The following ZNRF2 variants were observed in gnomAD, a reference collection of about 807,000 sequenced individuals.
ZNRF2 encodes the protein zinc and ring finger 2.
A neutral mutation model predicts 20.4 loss-of-function variants in ZNRF2; 16 were observed. The observed-to-expected ratio is 0.79, with a 90% CI of 0.53 to 1.19. The LOEUF is 1.19. Ranked by LOEUF, ZNRF2 falls within the 50% of genes most tolerant of loss-of-function variation. The pLI is 0.00. For missense variants in ZNRF2, 363 were observed against 332.4 expected (o/e 1.09, Z -0.72); for synonymous variants, 178 against 144.9 (o/e 1.23, Z -1.64).
intron 2 of ZNRF2, among the ~76,000 whole-genome samples, chr7:30,339,715 T>C (rs1393804927): frequency 6.6e-6 from 1 of 152,228 alleles, no homozygotes; most frequent in Non-Finnish European, 1.5e-5. Flanking sequence ...CCAGCTTTGT[T>C]GTTTTTGCTT....
At chr7:30,296,185 TTA>T (rs1288164332) in intron 1 of ZNRF2, among the ~76,000 whole-genome samples, 1 of 152,164 alleles carries the variant, frequency 6.6e-6, no homozygotes, top group African/African-American at 2.4e-5. Context: ...AAGTGGTAGG[TTA>T]TGTTTTTATT....
intron 1 of ZNRF2, among the ~76,000 whole-genome samples, chr7:30,291,412 G>A (rs1321165262): frequency 1.5e-4 from 23 of 152,192 alleles, no homozygotes; most frequent in Non-Finnish European, 1.5e-5. Flanking sequence ...CAGCAACCCT[G>A]ATCAGGATTC....
At chr7:30,287,115 T>A (rs2128053645) in intron 1 of ZNRF2, among the ~76,000 whole-genome samples, 1 of 152,250 alleles carries the variant, frequency 6.6e-6, no homozygotes, top group East Asian at 1.9e-4. Context: ...CTTAAAAATA[T>A]TCATCCCTCT....
Position 30,315,732 on chromosome 7 carries a change from G to C in ZNRF2, c.470-7910G>C, listed in dbSNP as rs1390808216. On this transcript the variant is annotated intron_variant, in intron 1 of 4. Coordinates refer to ENST00000323037, the MANE Select transcript of ZNRF2 (RefSeq NM_147128.4). ...AACTAAAGAAAAAGGTGGGGCGGGG[G>C]GGGGGGGGTTGGGTATAAAGACGCC... Among the ~76,000 whole-genome samples, 11 of 102,576 alleles carry C rather than the reference G, an allele frequency of 1.1e-4. 1 individual carries two copies. Among genetic ancestry groups the C allele is most frequent in the Admixed American group, 2.3e-4 (2 of 8,552 alleles). The allele number at this position is 102,576 out of a possible 152,430, so 67.3% of individuals were successfully genotyped here. A position where few individuals can be genotyped will look rare whatever the true frequency, so the allele number is the denominator to read the frequency against.
At chr7:30,309,522 T>C (rs1799258664) in intron 1 of ZNRF2, among the ~76,000 whole-genome samples, 1 of 152,156 alleles carries the variant, frequency 6.6e-6, no homozygotes, top group Non-Finnish European at 1.5e-5. Flanking sequence ...CTGTCAACCT[T>C]TTGCTGTGGT....
chr7:30,300,383 G>A (rs1259529799), intron 1 of ZNRF2, among the ~76,000 whole-genome samples: 2 of 151,906 alleles, frequency 1.3e-5, no homozygotes, highest in Admixed American at 6.6e-5. Flanking sequence ...TCTTGACCTC[G>A]TGATCCACCC....
At chr7:30,347,805 A>T (rs546772660) in intron 2 of ZNRF2, among the ~76,000 whole-genome samples, 1 of 152,214 alleles carries the variant, frequency 6.6e-6, no homozygotes, top group African/African-American at 2.4e-5. Flanking sequence ...AGATGAATCT[A>T]GATTTATATT....
intron 1 of ZNRF2, among the ~76,000 whole-genome samples, chr7:30,301,812 A>G (rs1799121809): frequency 1.3e-5 from 2 of 152,168 alleles, no homozygotes; most frequent in Admixed American, 1.3e-4. Context: ...GTATAATATA[A>G]GAACAGACAA....
intron 1 of ZNRF2, among the ~76,000 whole-genome samples, chr7:30,300,517 T>C (rs1359044007): frequency 6.7e-6 from 1 of 148,204 alleles, no homozygotes; most frequent in African/African-American, 2.5e-5. Flanking sequence ...TAATAAAAGA[T>C]AGACTTAATT....
At chr7:30,287,301 C>T (rs570806913) in intron 1 of ZNRF2, among the ~76,000 whole-genome samples, 36 of 152,262 alleles carry the variant, frequency 2.4e-4, no homozygotes, top group Non-Finnish European at 1.3e-4. Flanking sequence ...GAATGAAGGG[C>T]AAACTGGTTT....
chr7:30,344,213 C>T lies in ZNRF2; in HGVS notation c.566-11515C>T, dbSNP rs143043796. ...CTGGGATTACAGGCGTGAGCCACTG[C>T]GCCCGGCCCCAGCTCTTGTTTCTTT... is the stretch of plus-strand genomic sequence containing the variant. On this transcript the variant is annotated intron_variant, in intron 2 of 4. Transcript: ENST00000323037. Among the ~76,000 whole-genome samples the T allele has an allele frequency of 3.9e-4, 58 of 150,468 alleles. No homozygotes were observed. The East Asian group carries it at 0.01, about 27-fold the overall frequency.
intron 2 of ZNRF2, among the ~76,000 whole-genome samples, chr7:30,350,426 G>A (rs950515176): frequency 2.0e-5 from 3 of 151,920 alleles, no homozygotes; most frequent in Admixed American, 1.3e-4. Flanking sequence ...AACTAGAGAG[G>A]CATTGAAAAA....
At chr7:30,305,400 A>G (rs967567135) in intron 1 of ZNRF2, among the ~76,000 whole-genome samples, 1 of 152,176 alleles carries the variant, frequency 6.6e-6, no homozygotes, top group Non-Finnish European at 1.5e-5. Context: ...CATGTTTTAA[A>G]AGATATCTTA....
At chr7:30,361,661 G>C (rs1800129140) in intron 3 of ZNRF2, among the ~76,000 whole-genome samples, 2 of 152,140 alleles carry the variant, frequency 1.3e-5, no homozygotes, top group South Asian at 4.1e-4. Context: ...GAGTAGTCGT[G>C]AGCCATGTTG....
chr7:30,291,403 A>G (rs994489974), intron 1 of ZNRF2, among the ~76,000 whole-genome samples: 11 of 152,244 alleles, frequency 7.2e-5, no homozygotes, highest in Non-Finnish European at 1.3e-4. Context: ...GGCTGTATGC[A>G]GCAACCCTGA....
chr7:30,298,016 C>T (rs1799045915), intron 1 of ZNRF2, among the ~76,000 whole-genome samples: 1 of 152,036 alleles, frequency 6.6e-6, no homozygotes, highest in Non-Finnish European at 1.5e-5. Context: ...AGGTGCATGC[C>T]ACCATAGGGA....
chr7:30,300,224 C>G (rs776273901), intron 1 of ZNRF2, among the ~76,000 whole-genome samples: 9 of 148,622 alleles, frequency 6.1e-5, no homozygotes, highest in Non-Finnish European at 1.0e-4. Flanking sequence ...TCTTGGCTCA[C>G]TGCAACCTCT....
At chr7:30,357,347 GATAA>G (rs148262623) in intron 3 of ZNRF2, among the ~76,000 whole-genome samples, 8,213 of 152,106 alleles carry the variant, frequency 0.054, 272 homozygotes, top group East Asian at 0.16. Flanking sequence ...CTAATAAAAA[GATAA>G]ATAACCCTCA....
intron 1 of ZNRF2, among the ~76,000 whole-genome samples, chr7:30,315,731 G>GGGT (rs370423943): frequency 9.6e-6 from 1 of 104,674 alleles, no homozygotes; most frequent in Non-Finnish European, 2.0e-5. Flanking sequence ...GTGGGGCGGG[G>GGGT]GGGGGGGGGT....
Sources: allele counts gnomAD v4.1 joint callset (sites outside exome capture counted in the v4.1 genomes callset), GRCh38; gene constraint gnomAD v4.1.1; transcripts MANE v1.5; gene names NCBI Gene and HGNC (gene_info 2026-07-23, HGNC 2026-07-21).